PCDH15: variants seen among roughly 807,000 people sequenced by gnomAD.
PCDH15 encodes the protein protocadherin related 15.
Under a neutral mutation model 178.5 loss-of-function variants are expected in PCDH15, and 129 were observed. The ratio of observed to expected loss-of-function variants is 0.72; its 90% CI spans 0.63 to 0.84. The LOEUF is 0.84. Among genes scored for constraint, PCDH15 ranks in the 40% least tolerant of loss-of-function variants. The probability of loss-of-function intolerance (pLI) is 0.00; values close to 1 mark genes in which losing one functional copy is unlikely to be tolerated. For missense variants in PCDH15, 2,230 were observed against 2,099.9 expected (o/e 1.06, Z -1.21); for synonymous variants, 800 against 732.0 (o/e 1.09, Z -1.50).
chr10:55,103,947 G>A (rs558232912), intron 2 of PCDH15, among the ~76,000 whole-genome samples: 2 of 152,088 alleles, frequency 1.3e-5, no homozygotes, highest in African/African-American at 4.8e-5. Flanking sequence ...CTGTTATTTA[G>A]GTTTTCTTGT....
At chr10:54,487,020 G>A (rs1305225783) in intron 3 of PCDH15, among the ~76,000 whole-genome samples, 3 of 151,932 alleles carry the variant, frequency 2.0e-5, no homozygotes, top group African/African-American at 2.4e-5. Context: ...TTCATAAAAC[G>A]CAAACTGCCA....
intron 2 of PCDH15, among the ~76,000 whole-genome samples, chr10:55,054,599 T>G (rs904801540): frequency 6.6e-6 from 1 of 152,188 alleles, no homozygotes; most frequent in African/African-American, 2.4e-5. Context: ...TTGAGGAATC[T>G]CCACACTATT....
At chr10:55,379,159 CAAATCTTTGTTAAGA>C in intron 2 of PCDH15, among the ~76,000 whole-genome samples, 1 of 151,164 alleles carries the variant, frequency 6.6e-6, no homozygotes, top group African/African-American at 2.4e-5. Flanking sequence ...TTTGGGAAAA[CAAATCTTTGTTAAGA>C]GCCTCAGATC....
Position 54,129,931 on chromosome 10 carries a change from G to A in PCDH15, c.1917+2944C>T, listed in dbSNP as rs149873192. Among the ~76,000 whole-genome samples the A allele has an allele frequency of 6.6e-3, 1,010 of 152,226 alleles. 13 individuals carry two copies. The highest frequency in any genetic ancestry group is 0.022 in the African/African-American group (931 of 41,534). On this transcript the variant is annotated intron_variant, in intron 15 of 37. Transcript: ENST00000644397. ...GGCAGAGATGATACATGGAAATTTT[G>A]TGTTTAAAAAAGGAGAAATATGCAA...
intron 3 of PCDH15, among the ~76,000 whole-genome samples, chr10:54,416,368 A>G (rs1954394264): frequency 6.6e-6 from 1 of 152,026 alleles, no homozygotes; most frequent in Non-Finnish European, 1.5e-5. Flanking sequence ...GAGTGAGAAC[A>G]TGCAGTGTTT....
intron 2 of PCDH15, among the ~76,000 whole-genome samples, chr10:54,961,843 G>A (rs1838664126): frequency 6.6e-6 from 1 of 151,966 alleles, no homozygotes; most frequent in South Asian, 2.1e-4. Flanking sequence ...CACTCTTTGG[G>A]ATGACCTGTC....
chr10:53,916,302 T>C (rs191764481), intron 25 of PCDH15, among the ~76,000 whole-genome samples: 137 of 152,338 alleles, frequency 9.0e-4, no homozygotes, highest in African/African-American at 3.0e-3. Context: ...ACAGTAATAT[T>C]CTAAGTATTA....
chr10:55,427,513 G>C (rs768449444), intron 2 of PCDH15, among the ~76,000 whole-genome samples: 4 of 152,146 alleles, frequency 2.6e-5, no homozygotes, highest in Non-Finnish European at 4.4e-5. Flanking sequence ...ACTGAATGCA[G>C]ACAAAATGAC....
chr10:54,739,837 A>G (rs936266021), intron 1 of PCDH15, among the ~76,000 whole-genome samples: 3 of 152,108 alleles, frequency 2.0e-5, no homozygotes, highest in African/African-American at 7.2e-5. Flanking sequence ...CACATGCAGA[A>G]CAATGAAAAT....
chr10:54,674,413 G>A (rs1209172050), intron 1 of PCDH15, among the ~76,000 whole-genome samples: 1 of 152,058 alleles, frequency 6.6e-6, no homozygotes, highest in Non-Finnish European at 1.5e-5. Flanking sequence ...TGAAAATCAT[G>A]TATGAAATGT....
At chr10:53,995,456 T>C (rs1190172181) in intron 21 of PCDH15, 193 bp downstream of exon 21, 2 of 948,718 alleles carry the variant, frequency 2.1e-6, no homozygotes, top group Admixed American at 5.1e-5. Flanking sequence ...ATATTCTTTG[T>C]CTAGGTTCAA....
At chr10:54,394,666 G>C (rs1485519597) in intron 3 of PCDH15, among the ~76,000 whole-genome samples, 5 of 152,088 alleles carry the variant, frequency 3.3e-5, no homozygotes, top group South Asian at 4.1e-4. Flanking sequence ...CAGGAGACAG[G>C]GTTTTGAGAT....
chr10:53,873,049 C>T (rs947844835), intron 26 of PCDH15, among the ~76,000 whole-genome samples: 10 of 152,270 alleles, frequency 6.6e-5, no homozygotes, highest in East Asian at 3.9e-4. Flanking sequence ...CTATAAAACA[C>T]GTTATGTCTC....
intron 3 of PCDH15, among the ~76,000 whole-genome samples, chr10:54,880,228 A>C (rs1279391792): frequency 6.6e-6 from 1 of 152,166 alleles, no homozygotes; most frequent in Non-Finnish European, 1.5e-5. Context: ...AAAGTCGCTA[A>C]CTTGCTAATC....
chr10:54,285,844 A>G (rs2132841711), intron 8 of PCDH15, among the ~76,000 whole-genome samples: 1 of 152,352 alleles, frequency 6.6e-6, no homozygotes, highest in Non-Finnish European at 1.5e-5. Flanking sequence ...AAATGAATAA[A>G]GAAAATGTGG....
intron 18 of PCDH15, among the ~76,000 whole-genome samples, chr10:54,051,736 T>C (rs2093778925): frequency 6.6e-6 from 1 of 152,154 alleles, no homozygotes; most frequent in Non-Finnish European, 1.5e-5. Flanking sequence ...CAAATGCTAA[T>C]CACCAAGACA....
At position 54,405,709 on chromosome 10, in the gene PCDH15, A is replaced by ACAC. The variant is rs1554955458; in HGVS notation, c.158-26768_158-26767insGTG. On this transcript the variant is annotated intron_variant, in intron 3 of 37. Coordinates refer to ENST00000644397, the MANE Select transcript of PCDH15 (RefSeq NM_001384140.1). ...AATAAAAGTTAAATTAAAAAAAAAA[A>ACAC]CTAAAAATTACATGCAATATTTGTA... Among the ~76,000 whole-genome samples the ACAC allele has an allele frequency of 8.3e-3, 1,259 of 151,918 alleles. 16 individuals are homozygous for ACAC. Among genetic ancestry groups the ACAC allele is most frequent in the African/African-American group, 0.029 (1,191 of 41,412 alleles).
chr10:54,495,387 G>A, intron 3 of PCDH15, among the ~76,000 whole-genome samples: 1 of 152,038 alleles, frequency 6.6e-6, no homozygotes, highest in East Asian at 1.9e-4. Context: ...ATCTATAAAA[G>A]AAAATATATC....
intron 9 of PCDH15, among the ~76,000 whole-genome samples, chr10:54,225,420 T>C (rs962456734): frequency 2.0e-4 from 30 of 152,358 alleles, no homozygotes; most frequent in African/African-American, 6.7e-4. Flanking sequence ...GCCAGTTCTC[T>C]ACACATTTTC....
Sources: gnomAD v4.1 joint callset for allele counts (sites outside exome capture counted in the v4.1 genomes callset) on GRCh38, gnomAD v4.1.1 for gene constraint, MANE v1.5 for transcripts, NCBI Gene and HGNC (gene_info 2026-07-23, HGNC 2026-07-21) for gene names.